Variants in VTI1A observed in about 807,000 individuals in gnomAD.
VTI1A encodes vesicle transport through interaction with t-SNAREs homolog 1A.
Under a neutral mutation model 34.9 loss-of-function variants are expected in VTI1A, and 22 were observed. That is an observed-to-expected ratio of 0.63 (90% CI 0.45 to 0.90). VTI1A has a LOEUF of 0.90. VTI1A is among the 40% of genes least tolerant of loss of function. The pLI is 0.00. For synonymous variants in VTI1A, 87 were observed against 97.3 expected (o/e 0.89, Z 0.62); for missense variants, 268 against 275.6 (o/e 0.97, Z 0.20).
chr10:112,829,683 G>C, the VTI1A span, among the ~76,000 whole-genome samples: 1 of 152,270 alleles, frequency 6.6e-6, no homozygotes, highest in Non-Finnish European at 1.5e-5. Flanking sequence ...GAACCCGGGA[G>C]GCGGAGGTTG....
intron 5 of VTI1A, 68 bp from the exon 6 acceptor site, chr10:112,668,150 T>G: frequency 7.7e-7 from 1 of 1,304,198 alleles, no homozygotes; most frequent in Non-Finnish European, 1.1e-6. Flanking sequence ...GCCATTTTAG[T>G]ATTTCTGAGA....
At chr10:112,634,096 T>TTG (rs1166367377) in intron 5 of VTI1A, 1 of 152,864 alleles carries the variant, frequency 6.5e-6, no homozygotes, top group East Asian at 1.9e-4. Flanking sequence ...TTACTTTCAT[T>TTG]ACTCAACCTT....
At position 112,710,449 on chromosome 10, in the gene VTI1A, C is replaced by T. The variant is rs192174723; in HGVS notation, c.560+41451C>T. ...CTCAAACTCCTAACCTCAAGTGATC[C>T]GCCCACCTTGGCCTCCCAAAATGCT... On this transcript the variant is annotated intron_variant, in intron 7 of 7. Transcript: ENST00000393077. 3.5e-3 allele frequency among the ~76,000 whole-genome samples: 533 copies of T among 152,214 alleles called. 4 individuals carry two copies. Among genetic ancestry groups the T allele is most frequent in the South Asian group, 0.022 (104 of 4,816 alleles).
the VTI1A span, among the ~76,000 whole-genome samples, chr10:112,838,527 G>C: frequency 6.6e-6 from 1 of 152,190 alleles, no homozygotes; most frequent in Non-Finnish European, 1.5e-5. Context: ...CATGTGTCCA[G>C]TATTTTATTG....
intron 7 of VTI1A, among the ~76,000 whole-genome samples, chr10:112,759,210 C>T (rs911309378): frequency 2.0e-5 from 3 of 152,204 alleles, no homozygotes; most frequent in Non-Finnish European, 4.4e-5. Flanking sequence ...AGAGGTGTGA[C>T]TGGAGAAACT....
At chr10:112,473,001 G>A (rs79276133) in intron 3 of VTI1A, among the ~76,000 whole-genome samples, 2 of 149,214 alleles carry the variant, frequency 1.3e-5, no homozygotes, top group African/African-American at 2.4e-5. Flanking sequence ...ATCACCAGTA[G>A]CCCTATTTTT....
intron 5 of VTI1A, among the ~76,000 whole-genome samples, chr10:112,652,652 A>G (rs1159302749): frequency 6.7e-6 from 1 of 148,162 alleles, no homozygotes; most frequent in Admixed American, 6.9e-5. Flanking sequence ...ACTTGGGCCC[A>G]AGAGGTCAAG....
At chr10:112,461,093 A>G (rs902333672) in intron 2 of VTI1A, among the ~76,000 whole-genome samples, 2 of 152,218 alleles carry the variant, frequency 1.3e-5, no homozygotes, top group Non-Finnish European at 2.9e-5. Context: ...TTTATTACCC[A>G]CAACAATAGC....
intron 7 of VTI1A, among the ~76,000 whole-genome samples, chr10:112,714,002 C>A (rs989111814): frequency 2.6e-5 from 4 of 152,120 alleles, no homozygotes; most frequent in Non-Finnish European, 5.9e-5. Flanking sequence ...TCCACTCTTC[C>A]CCTCTCAACA....
At chr10:112,621,017 A>C (rs1480209520) in intron 5 of VTI1A, among the ~76,000 whole-genome samples, 1 of 152,200 alleles carries the variant, frequency 6.6e-6, no homozygotes, top group African/African-American at 2.4e-5. Flanking sequence ...TCTGTTCTAT[A>C]GATGGAGAAT....
intron 7 of VTI1A, among the ~76,000 whole-genome samples, chr10:112,732,547 G>A (rs1218285484): frequency 6.6e-6 from 1 of 152,142 alleles, no homozygotes; most frequent in African/African-American, 2.4e-5. Flanking sequence ...AAGCCCGGTC[G>A]TTTCTTTGCA....
intron 3 of VTI1A, among the ~76,000 whole-genome samples, chr10:112,494,132 A>G (rs1403150008): frequency 1.3e-5 from 2 of 152,062 alleles, no homozygotes; most frequent in Non-Finnish European, 2.9e-5. Context: ...TAATTTTGTT[A>G]CTTCTTATAT....
chr10:112,737,136 T>C (rs1850513089), intron 7 of VTI1A: 1 of 273,518 alleles, frequency 3.7e-6, no homozygotes, highest in South Asian at 9.7e-5. Flanking sequence ...AGTGGCACAA[T>C]CTTGGCTCAC....
At chr10:112,505,770 C>A (rs1278099862) in intron 3 of VTI1A, among the ~76,000 whole-genome samples, 1 of 151,870 alleles carries the variant, frequency 6.6e-6, no homozygotes, top group Non-Finnish European at 1.5e-5. Flanking sequence ...ACCTCCCAGG[C>A]TCAAGCAATC....
chr10:112,645,067 G>A (rs888219178), intron 5 of VTI1A, among the ~76,000 whole-genome samples: 1 of 152,140 alleles, frequency 6.6e-6, no homozygotes, highest in African/African-American at 2.4e-5. Flanking sequence ...AATGTTAACT[G>A]GTTTTAACAT....
chr10:112,729,063 A>T (rs1850151335), intron 7 of VTI1A, among the ~76,000 whole-genome samples: 1 of 152,088 alleles, frequency 6.6e-6, no homozygotes, highest in Admixed American at 6.6e-5. Context: ...TTAAAAGTTT[A>T]AAAAAATAGC....
At chr10:112,645,942 G>GTTTTTTTTTT in intron 5 of VTI1A, among the ~76,000 whole-genome samples, 1 of 137,322 alleles carries the variant, frequency 7.3e-6, no homozygotes. Context: ...AATATACTGT[G>GTTTTTTTTTT]TTTTTTTTTT....
At chr10:112,657,580 C>T (rs1017211770) in intron 5 of VTI1A, among the ~76,000 whole-genome samples, 16 of 152,078 alleles carry the variant, frequency 1.1e-4, no homozygotes, top group African/African-American at 3.9e-4. Flanking sequence ...TCCCCTACCT[C>T]ACACATATAT....
At chr10:112,451,801 T>G (rs1418343165) in intron 1 of VTI1A, among the ~76,000 whole-genome samples, 2 of 152,316 alleles carry the variant, frequency 1.3e-5, no homozygotes, top group East Asian at 3.9e-4. Context: ...AAAGTTGGCT[T>G]TTGTTCATGA....
Sources: allele counts gnomAD v4.1 joint callset (sites outside exome capture counted in the v4.1 genomes callset), GRCh38; gene constraint gnomAD v4.1.1; transcripts MANE v1.5; gene names NCBI Gene and HGNC (gene_info 2026-07-23, HGNC 2026-07-21).